KIF3A: variants seen among roughly 807,000 people sequenced by gnomAD.
The protein encoded by KIF3A is kinesin-like protein KIF3A.
A neutral mutation model predicts 92.6 loss-of-function variants in KIF3A; 27 were observed. The observed-to-expected ratio is 0.29, with a 90% CI of 0.21 to 0.40. KIF3A has a LOEUF of 0.40. KIF3A is among the 10% of genes least tolerant of loss of function. KIF3A has a pLI of 1.00. For synonymous variants in KIF3A, 250 were observed against 275.4 expected (o/e 0.91, Z 0.92); for missense variants, 581 against 872.6 (o/e 0.67, Z 4.21).
intron 2 of KIF3A, among the ~76,000 whole-genome samples, chr5:132,728,770 A>AATAAATAAATAAATAC (rs1413646891): frequency 7.2e-6 from 1 of 138,930 alleles, no homozygotes; most frequent in African/African-American, 2.9e-5. Context: ...TAAATAAATA[A>AATAAATAAATAAATAC]ATATAATAAA....
chr5:132,726,916 C>G (rs377159206), intron 2 of KIF3A, among the ~76,000 whole-genome samples: 1 of 152,264 alleles, frequency 6.6e-6, no homozygotes, highest in East Asian at 1.9e-4. Flanking sequence ...AGCCACTGAC[C>G]TTGGACAAGT....
intron 18 of KIF3A, chr5:132,697,900 C>A (rs1752891914): frequency 6.6e-6 from 1 of 152,134 alleles, no homozygotes; most frequent in Non-Finnish European, 1.5e-5. Context: ...AATGTCTTAC[C>A]ATTTATCATC....
In KIF3A at chr5:132,724,806, A is replaced by AAAATT. The variant is rs59476182; in HGVS notation, c.510+1321_510+1322insAATTT. Among the ~76,000 whole-genome samples the AAAATT allele has an allele frequency of 8.8e-5, 2 of 22,700 alleles. 1 individual carries two copies. Among genetic ancestry groups the AAAATT allele is most frequent in the African/African-American group, 3.6e-4 (2 of 5,538 alleles). 14.9% of individuals were successfully genotyped at this position (22,700 alleles called of 152,430 possible). A position where few individuals can be genotyped will look rare whatever the true frequency, so the allele number is the denominator to read the frequency against. On this transcript the variant is annotated intron_variant, in intron 4 of 18. Coordinates refer to ENST00000403231, the MANE Select transcript of KIF3A (RefSeq NM_001300791.2). ...TTAAAGTATAATAAAAAAAAAAAAA[A>AAAATT]ATATATATATATATATATATATATA...
chr5:132,700,439 A>G, intron 16 of KIF3A, 155 bp from the exon 17 acceptor site: 3 of 653,068 alleles, frequency 4.6e-6, no homozygotes, highest in South Asian at 1.9e-5. Context: ...AGTCCCACAT[A>G]GCCCCTAACT....
At chr5:132,736,146 C>A (rs949680583) in intron 1 of KIF3A, among the ~76,000 whole-genome samples, 3 of 152,214 alleles carry the variant, frequency 2.0e-5, no homozygotes, top group African/African-American at 7.2e-5. Flanking sequence ...TTGCTTGTTC[C>A]TTATTTGATT....
intron 8 of KIF3A, among the ~76,000 whole-genome samples, chr5:132,714,489 C>T (rs957313570): frequency 6.6e-6 from 1 of 152,052 alleles, no homozygotes; most frequent in African/African-American, 2.4e-5. Context: ...TATGGATGAA[C>T]CTTCAACGTT....
intron 2 of KIF3A, among the ~76,000 whole-genome samples, chr5:132,728,411 C>G (rs1754110065): frequency 1.3e-5 from 2 of 152,118 alleles, no homozygotes; most frequent in South Asian, 4.2e-4. Context: ...AAAAAATAGG[C>G]ACTATTTATT....
At chr5:132,717,446 C>A (rs915966625) in intron 5 of KIF3A, among the ~76,000 whole-genome samples, 1 of 151,914 alleles carries the variant, frequency 6.6e-6, no homozygotes, top group Non-Finnish European at 1.5e-5. Context: ...GCTGAGATTG[C>A]GCCACTGCAC....
At chr5:132,713,091 A>C (rs1011795598) in intron 8 of KIF3A, among the ~76,000 whole-genome samples, 1 of 152,166 alleles carries the variant, frequency 6.6e-6, no homozygotes, top group Non-Finnish European at 1.5e-5. Flanking sequence ...AGGGAGGCAG[A>C]GGTTGCAGTA....
intron 11 of KIF3A, among the ~76,000 whole-genome samples, chr5:132,703,915 G>C (rs144344850): frequency 4.2e-4 from 64 of 151,454 alleles, no homozygotes; most frequent in African/African-American, 1.5e-3. Flanking sequence ...AGATTAACAG[G>C]AAAGCCAAAT....
chr5:132,713,476 T>C lies in KIF3A; in HGVS notation c.1129+2281A>G, dbSNP rs1212077279. 4.6e-5 allele frequency among the ~76,000 whole-genome samples: 7 copies of C among 152,226 alleles called. No homozygotes were observed. The South Asian group carries it at 6.2e-4, about 13-fold the overall frequency. On this transcript the variant is annotated intron_variant, in intron 8 of 18. Transcript: ENST00000403231. The stretch of plus-strand genomic sequence containing the variant: ...TAATTTTTAAGTTTAAAAATTATTA[T>C]TTTAATGCTATTGCCTACTTTTTTA...
chr5:132,719,782 T>C (rs746558438), intron 5 of KIF3A, among the ~76,000 whole-genome samples: 29 of 151,946 alleles, frequency 1.9e-4, no homozygotes, highest in Non-Finnish European at 3.1e-4. Flanking sequence ...GCGACCAGAC[T>C]TTTCACCTCT....
rs137978040 is a variant in KIF3A, at chr5:132,733,670, A to T, written c.280+535T>A. On this transcript the variant is annotated intron_variant, in intron 2 of 18. Transcript: ENST00000403231. ...TAGTTCTCATTACTCAGGAGGCAGA[A>T]GTGAGAGGATAGCTTCAGCCCAGGT... 6.6e-5 allele frequency among the ~76,000 whole-genome samples: 10 copies of T among 152,308 alleles called. No homozygotes were observed. In the East Asian group the frequency reaches 1.9e-3, roughly 29 times the overall value.
rs1342533281 is a variant in KIF3A, at chr5:132,696,643, TAA to T, written c.2170_2171del (p.Leu724ThrfsTer12). The stretch of plus-strand genomic sequence containing the variant: ...TTTAAGTCTGTAACATTTACTGCAG[TAA>T]AGAGTCAATTACAGTTTCAGGCTTT... ...SAKPETVIDS[L>X]LQ On this transcript the variant is annotated frameshift_variant, in exon 19 of 19. Coordinates refer to ENST00000403231, the MANE Select transcript of KIF3A (RefSeq NM_001300791.2). LOFTEE classifies it high-confidence loss of function. 3 of 1,605,436 alleles carry T rather than the reference TAA, an allele frequency of 1.9e-6. No individual in the cohort carries two copies. Among genetic ancestry groups the T allele is most frequent in the Admixed American group, 1.7e-5 (1 of 60,008 alleles).
intron 2 of KIF3A, among the ~76,000 whole-genome samples, chr5:132,731,402 T>C (rs891201995): frequency 6.6e-6 from 1 of 152,138 alleles, no homozygotes; most frequent in Non-Finnish European, 1.5e-5. Flanking sequence ...AAAAAAAGAT[T>C]ATTTCAATAG....
At position 132,724,828 on chromosome 5, in the gene KIF3A, T is replaced by TATAC. The variant is rs1753976338; in HGVS notation, c.510+1299_510+1300insGTAT. Among the ~76,000 whole-genome samples the TATAC allele has an allele frequency of 9.6e-5, 2 of 20,806 alleles. 1 individual carries two copies. Among genetic ancestry groups the TATAC allele is most frequent in the East Asian group, 1.1e-3 (2 of 1,784 alleles). 13.6% of individuals were successfully genotyped at this position (20,806 alleles called of 152,430 possible). A position where few individuals can be genotyped will look rare whatever the true frequency, so the allele number is the denominator to read the frequency against. On this transcript the variant is annotated intron_variant, in intron 4 of 18. Coordinates refer to ENST00000403231, the MANE Select transcript of KIF3A (RefSeq NM_001300791.2). Reference sequence around the variant, plus strand: ...AAAAATATATATATATATATATATATATATATATATATATATATATATATA... The same window carrying TATAC: ...AAAAATATATATATATATATATATATATACATATATATATATATATATATATATA...
intron 18 of KIF3A, among the ~76,000 whole-genome samples, chr5:132,698,929 C>G (rs113230742): frequency 6.6e-6 from 1 of 151,774 alleles, no homozygotes; most frequent in African/African-American, 2.4e-5. Context: ...GTAGAGACAG[C>G]GTTTCACTAT....
Position 132,696,651 on chromosome 5 carries a change from C to G in KIF3A, c.2164G>C (p.Asp722His). 6.2e-6 allele frequency: 10 copies of G among 1,608,690 alleles called. No homozygotes were observed. Among genetic ancestry groups the G allele is most frequent in the Non-Finnish European group, 8.5e-6 (10 of 1,175,346 alleles). ...TGTAACATTTACTGCAGTAAAGAGT[C>G]AATTACAGTTTCAGGCTTTGCAGAA... Reference protein sequence around the residue: ...KRSAKPETVIDSLLQ With the variant: ...KRSAKPETVIHSLLQ Residue 722 changes from aspartate to histidine, a missense_variant, in exon 19 of 19, where the codon GAC becomes CAC. Physicochemically the swap from Asp to His is moderately conservative, Grantham distance 81. Around this residue, in one of 5 missense-constraint regions of KIF3A, gnomAD observed 112 missense variants for 144.3 expected, o/e 0.78. Coordinates refer to ENST00000403231, the MANE Select transcript of KIF3A (RefSeq NM_001300791.2).
intron 9 of KIF3A, among the ~76,000 whole-genome samples, chr5:132,710,667 TG>T (rs1324412844): frequency 6.6e-6 from 1 of 152,136 alleles, no homozygotes; most frequent in African/African-American, 2.4e-5. Flanking sequence ...CTAACACAGA[TG>T]TAAGTCCCTA....
Sources: allele counts gnomAD v4.1 joint callset (sites outside exome capture counted in the v4.1 genomes callset), GRCh38; gene constraint gnomAD v4.1.1; regional missense constraint gnomAD v4.1.1; transcripts MANE v1.5; gene names NCBI Gene and HGNC (gene_info 2026-07-23, HGNC 2026-07-21).